ANKMY2: variants seen among roughly 807,000 people sequenced by gnomAD.
The protein encoded by ANKMY2 is ankyrin repeat and MYND domain containing 2.
ANKMY2 carries 36 observed loss-of-function variants against 50.4 expected under a neutral mutation model. The observed-to-expected ratio is 0.71, with a 90% confidence interval of 0.55 to 0.94. The LOEUF (loss-of-function observed/expected upper bound fraction) is 0.94, where lower values mean the gene tolerates loss of function less well. Ranked by LOEUF, ANKMY2 falls within the 40% of genes least tolerant of loss-of-function variation. ANKMY2 has a pLI of 0.00. For missense variants in ANKMY2, 565 were observed against 524.0 expected, an observed-to-expected ratio of 1.08 and a Z score of -0.76; for synonymous variants, 187 against 178.8, an observed-to-expected ratio of 1.05 and a Z score of -0.36.
At chr7:16,626,330 G>C (rs114447666) in intron 3 of ANKMY2, among the ~76,000 whole-genome samples, 1 of 151,956 alleles carries the variant, frequency 6.6e-6, no homozygotes, top group Non-Finnish European at 1.5e-5. Flanking sequence ...ATATAATACA[G>C]ATTTTTAGTT....
chr7:16,644,776 C>T (rs1346522536), intron 1 of ANKMY2: 1 of 467,874 alleles, frequency 2.1e-6, no homozygotes, highest in South Asian at 1.6e-5. Context: ...CCTCGGGGCT[C>T]CCCGCTGGGA....
At chr7:16,644,941 G>C (rs1282704724) in intron 1 of ANKMY2, 2 of 334,454 alleles carry the variant, frequency 6.0e-6, no homozygotes, top group Non-Finnish European at 1.2e-5. Flanking sequence ...GAGGCTGTCG[G>C]GGCTTCTGGA....
intron 5 of ANKMY2, among the ~76,000 whole-genome samples, chr7:16,614,366 T>C (rs142539043): frequency 2.0e-3 from 305 of 152,342 alleles, no homozygotes; most frequent in Non-Finnish European, 3.2e-3. Context: ...AAGTGTTGCC[T>C]CTGGCAGTTC....
intron 2 of ANKMY2, among the ~76,000 whole-genome samples, chr7:16,629,698 T>C (rs1781553075): frequency 1.3e-5 from 2 of 152,140 alleles, no homozygotes; most frequent in African/African-American, 4.8e-5. Flanking sequence ...TAGTGATAAG[T>C]AACAAATTTA....
intron 1 of ANKMY2, among the ~76,000 whole-genome samples, chr7:16,643,847 C>A (rs1781777728): frequency 6.7e-6 from 1 of 149,368 alleles, no homozygotes; most frequent in Non-Finnish European, 1.5e-5. Flanking sequence ...AGGGAGACCC[C>A]CACCACCCCA....
intron 5 of ANKMY2, among the ~76,000 whole-genome samples, chr7:16,615,138 A>G (rs763419336): frequency 4.6e-5 from 7 of 152,218 alleles, no homozygotes; most frequent in East Asian, 1.9e-4. Context: ...TGGAAGAACT[A>G]TGTTATTTAA....
Position 16,610,731 on chromosome 7 carries a change from CA to C in ANKMY2, c.563del (p.Leu188ArgfsTer7), listed in dbSNP as rs756834089. 9.9e-6 allele frequency: 16 copies of C among 1,613,768 alleles called. No homozygotes were observed. The highest frequency in any genetic ancestry group is 2.7e-5 in the African/African-American group (2 of 74,914). On this transcript the variant is annotated frameshift_variant, in exon 6 of 10. Transcript: ENST00000306999. LOFTEE classifies it high-confidence loss of function. ...IVMLVNENPL[L>X]TEEAALNKCY... is the part of the protein sequence containing the mutation. The stretch of plus-strand genomic sequence containing the variant: ...ATTTATTCAGGGCTGCTTCTTCTGT[CA>C]GCAGAGGATTCTCATTTACAAGCAT...
At chr7:16,624,224 G>A (rs1781479711) in intron 4 of ANKMY2, among the ~76,000 whole-genome samples, 2 of 151,948 alleles carry the variant, frequency 1.3e-5, no homozygotes, top group African/African-American at 4.8e-5. Context: ...GTCCCTATAC[G>A]GCCACTTACT....
chr7:16,629,028 C>A (rs562103127), intron 2 of ANKMY2, among the ~76,000 whole-genome samples: 6 of 152,300 alleles, frequency 3.9e-5, no homozygotes, highest in Admixed American at 3.9e-4. Flanking sequence ...CTCACATCTC[C>A]AACTGTCCTT....
intron 5 of ANKMY2, among the ~76,000 whole-genome samples, chr7:16,612,591 T>C (rs10282627): frequency 0.14 from 21,380 of 152,202 alleles, 1,611 homozygotes; most frequent in East Asian, 0.23. Context: ...AACTATAGAA[T>C]CTTAAACTTA....
intron 4 of ANKMY2, 122 bp downstream of exon 4, chr7:16,624,861 T>C (rs1320380298): frequency 1.0e-5 from 8 of 763,562 alleles, no homozygotes; most frequent in Admixed American, 2.6e-5. Flanking sequence ...CAGTGGACTG[T>C]AAATACTTAA....
Position 16,619,848 on chromosome 7 carries a change from C to A in ANKMY2, c.371-3944G>T, listed in dbSNP as rs191322561. On this transcript the variant is annotated intron_variant, in intron 4 of 9. Coordinates refer to ENST00000306999, the MANE Select transcript of ANKMY2 (RefSeq NM_020319.3). ...ATAGGAACACACACATACAACAAGA[C>A]GTATCCTTTTCAAATTTTTTACTTT... 2.6e-3 allele frequency among the ~76,000 whole-genome samples: 393 copies of A among 152,286 alleles called. 1 individual carries two copies. Among genetic ancestry groups the A allele is most frequent in the African/African-American group, 8.9e-3 (371 of 41,570 alleles).
chr7:16,615,562 C>T (rs1483496684), intron 5 of ANKMY2, among the ~76,000 whole-genome samples, 182 bp downstream of exon 5: 2 of 152,202 alleles, frequency 1.3e-5, no homozygotes, highest in African/African-American at 2.4e-5. Flanking sequence ...CTCTCTCGCT[C>T]ACTCACTTCC....
intron 1 of ANKMY2, among the ~76,000 whole-genome samples, chr7:16,642,790 A>G (rs1478003434): frequency 6.6e-6 from 1 of 152,236 alleles, no homozygotes; most frequent in East Asian, 1.9e-4. Context: ...CTACAAAATC[A>G]GTAACATTTA....
chr7:16,613,140 TA>T (rs2128342831), intron 5 of ANKMY2, among the ~76,000 whole-genome samples: 1 of 152,332 alleles, frequency 6.6e-6, no homozygotes, highest in Non-Finnish European at 1.5e-5. Context: ...TTCTCCTAGA[TA>T]ACCTTCATAT....
At position 16,600,658 on chromosome 7, in the gene ANKMY2, C is replaced by G. The variant is rs1429341687; in HGVS notation, c.*103G>C. ...TATTCTATGAAATGTGGAATCCTGC[C>G]ATGGTGCCACGCAGGTATAACAAGG... On this transcript the variant is annotated 3_prime_UTR_variant, in exon 10 of 10. Coordinates refer to ENST00000306999, the MANE Select transcript of ANKMY2 (RefSeq NM_020319.3). 4.0e-6 allele frequency: 4 copies of G among 1,007,498 alleles called. No individual in the cohort carries two copies. The highest frequency in any genetic ancestry group is 5.5e-6 in the Non-Finnish European group (4 of 733,660). The allele number at this position is 1,007,498 out of a possible 1,614,324, so 62.4% of individuals were successfully genotyped here.
chr7:16,621,873 G>A (rs1205043069), intron 4 of ANKMY2, among the ~76,000 whole-genome samples: 2 of 152,054 alleles, frequency 1.3e-5, no homozygotes, highest in Non-Finnish European at 2.9e-5. Context: ...GGAGGCTGAG[G>A]CAGGAGAATC....
intron 4 of ANKMY2, among the ~76,000 whole-genome samples, chr7:16,621,993 A>G (rs1781442547): frequency 6.6e-6 from 1 of 151,630 alleles, no homozygotes; most frequent in Non-Finnish European, 1.5e-5. Flanking sequence ...ATAAATAAAT[A>G]AATAAATTTC....
intron 2 of ANKMY2, among the ~76,000 whole-genome samples, chr7:16,630,023 C>T (rs1416684354): frequency 6.6e-6 from 1 of 151,994 alleles, no homozygotes; most frequent in East Asian, 1.9e-4. Flanking sequence ...AACAATACTG[C>T]TAATCTACTA....
Sources: allele counts gnomAD v4.1 joint callset (sites outside exome capture counted in the v4.1 genomes callset), GRCh38; gene constraint gnomAD v4.1.1; transcripts MANE v1.5; gene names NCBI Gene and HGNC (gene_info 2026-07-23, HGNC 2026-07-21).